RBFOX1: variants seen among roughly 807,000 people sequenced by gnomAD.
The protein encoded by RBFOX1 is RNA binding protein fox-1 homolog 1.
RBFOX1 carries 8 observed loss-of-function variants against 57.7 expected under a neutral mutation model. The observed-to-expected ratio is 0.14, with a 90% CI of 0.08 to 0.25. The LOEUF (loss-of-function observed/expected upper bound fraction) is 0.25. Ranked by LOEUF, RBFOX1 falls within the 10% of genes least tolerant of loss-of-function variation. The pLI is 1.00. For missense variants in RBFOX1, 611 were observed against 548.5 expected (o/e 1.11, Z -1.14); for synonymous variants, 326 against 222.4 (o/e 1.47, Z -4.15).
intron 3 of RBFOX1, among the ~76,000 whole-genome samples, chr16:6,668,171 C>A (rs1287849782): frequency 1.3e-5 from 2 of 152,124 alleles, no homozygotes; most frequent in African/African-American, 4.8e-5. Context: ...AAGGTGCAGA[C>A]CAGGGATTGG....
At chr16:5,341,605 C>G (rs2065034287) in intron 1 of RBFOX1, among the ~76,000 whole-genome samples, 1 of 152,082 alleles carries the variant, frequency 6.6e-6, no homozygotes, top group African/African-American at 2.4e-5. Context: ...GACTAAGAAG[C>G]CCTTGTTTAG....
At chr16:6,307,225 C>G (rs1457966182) in intron 1 of RBFOX1, among the ~76,000 whole-genome samples, 2 of 151,974 alleles carry the variant, frequency 1.3e-5, no homozygotes, top group Non-Finnish European at 2.9e-5. Flanking sequence ...AAGTAAAGTG[C>G]CTAGTACATG....
Position 7,465,495 on chromosome 16 carries a change from C to T in RBFOX1, c.28-52652C>T, listed in dbSNP as rs538273039. Among the ~76,000 whole-genome samples, 49 of 152,340 alleles carry T rather than the reference C, an allele frequency of 3.2e-4. No homozygotes were observed. The South Asian group carries it at 9.9e-3, about 31-fold the overall frequency. ...TTCCTATAAGGAGTCTTGTGCATGG[C>T]CTAGCACATATTCTGTCCCCAAGTC... On this transcript the variant is annotated intron_variant, in intron 4 of 15. Coordinates refer to ENST00000550418, the MANE Select transcript of RBFOX1 (RefSeq NM_018723.4).
chr16:6,358,108 G>A (rs2087719256), intron 2 of RBFOX1, among the ~76,000 whole-genome samples: 2 of 152,228 alleles, frequency 1.3e-5, no homozygotes, highest in South Asian at 4.1e-4. Flanking sequence ...AGGCTGCCTG[G>A]ATGTACCCTC....
At chr16:5,527,036 G>T (rs1054827009) in intron 2 of RBFOX1, among the ~76,000 whole-genome samples, 1 of 152,136 alleles carries the variant, frequency 6.6e-6, no homozygotes, top group African/African-American at 2.4e-5. Flanking sequence ...CGCTTGGGAC[G>T]GTGCCATGTG....
chr16:7,162,467 C>T (rs983103626), intron 4 of RBFOX1, among the ~76,000 whole-genome samples: 8 of 151,842 alleles, frequency 5.3e-5, no homozygotes, highest in South Asian at 4.2e-4. Flanking sequence ...CAGTAACTCA[C>T]GCCTGTAACC....
chr16:7,704,564 C>A (rs542970454), intron 14 of RBFOX1, among the ~76,000 whole-genome samples: 52 of 152,284 alleles, frequency 3.4e-4, no homozygotes, highest in African/African-American at 1.2e-3. Context: ...TGTCTTGCTG[C>A]CTCCTCTCTA....
At chr16:5,640,674 A>G (rs1422646738) in intron 3 of RBFOX1, among the ~76,000 whole-genome samples, 4 of 152,012 alleles carry the variant, frequency 2.6e-5, no homozygotes, top group Non-Finnish European at 4.4e-5. Context: ...ATACATGCAT[A>G]CACACAAGCA....
intron 4 of RBFOX1, among the ~76,000 whole-genome samples, chr16:7,108,642 C>T (rs560327125): frequency 1.9e-4 from 29 of 152,222 alleles, no homozygotes; most frequent in African/African-American, 6.3e-4. Context: ...AAAGTCTACC[C>T]TGAGCATAGG....
intron 4 of RBFOX1, among the ~76,000 whole-genome samples, chr16:7,149,181 C>A (rs1481744058): frequency 2.6e-5 from 4 of 152,056 alleles, no homozygotes; most frequent in African/African-American, 9.6e-5. Flanking sequence ...TTCCCCAATT[C>A]TCCTCCTTCA....
intron 3 of RBFOX1, among the ~76,000 whole-genome samples, chr16:6,782,187 A>G (rs1209107679): frequency 6.6e-6 from 1 of 152,080 alleles, no homozygotes; most frequent in Non-Finnish European, 1.5e-5. Flanking sequence ...TTGTATTTTC[A>G]GTAGATACAG....
intron 9 of RBFOX1, among the ~76,000 whole-genome samples, chr16:7,597,884 C>T (rs2094790838): frequency 6.6e-6 from 1 of 152,112 alleles, no homozygotes; most frequent in South Asian, 2.1e-4. Flanking sequence ...TTAGAGTATA[C>T]CTCATGTCTG....
intron 12 of RBFOX1, 101 bp downstream of exon 12, chr16:7,654,048 CG>C: frequency 7.8e-7 from 1 of 1,276,014 alleles, no homozygotes; most frequent in Non-Finnish European, 1.0e-6. Context: ...ACTCCCCCTC[CG>C]CCACCCCCAG....
At chr16:6,557,400 T>C (rs1000984599) in intron 2 of RBFOX1, among the ~76,000 whole-genome samples, 4 of 152,104 alleles carry the variant, frequency 2.6e-5, no homozygotes, top group African/African-American at 7.2e-5. Flanking sequence ...GAAATGGAGA[T>C]GTGAACCAGA....
intron 4 of RBFOX1, among the ~76,000 whole-genome samples, chr16:7,071,243 C>T (rs1256186178): frequency 6.6e-6 from 1 of 152,060 alleles, no homozygotes; most frequent in African/African-American, 2.4e-5. Context: ...ACTACATACA[C>T]CACTAGGAGA....
At chr16:6,770,854 A>G (rs937122387) in intron 3 of RBFOX1, among the ~76,000 whole-genome samples, 1 of 152,180 alleles carries the variant, frequency 6.6e-6, no homozygotes, top group African/African-American at 2.4e-5. Flanking sequence ...GTAGGGCTGA[A>G]GTCTCCCATG....
intron 2 of RBFOX1, among the ~76,000 whole-genome samples, chr16:5,597,394 A>ATT (rs1380851882): frequency 1.5e-4 from 13 of 84,984 alleles, no homozygotes; most frequent in African/African-American, 7.1e-4. Context: ...AAGCTTGCTG[A>ATT]CTTTTTTTTT....
Position 7,250,583 on chromosome 16 carries a change from T to C in RBFOX1, c.27+198485T>C, listed in dbSNP as rs532854851. On this transcript the variant is annotated intron_variant, in intron 4 of 15. Coordinates refer to ENST00000550418, the MANE Select transcript of RBFOX1 (RefSeq NM_018723.4). ...TACCTGAAGGCAAAGACTAAGAGTATATACCCCAGGGACGGGGATCATAAC... is the reference window on the plus strand; with the variant it reads ...TACCTGAAGGCAAAGACTAAGAGTACATACCCCAGGGACGGGGATCATAAC... 3.9e-5 allele frequency among the ~76,000 whole-genome samples: 6 copies of C among 152,330 alleles called. No individual in the cohort carries two copies. In the South Asian group the frequency reaches 1.2e-3, roughly 32 times the overall value.
chr16:6,609,106 G>A (rs948463443), intron 2 of RBFOX1, among the ~76,000 whole-genome samples: 1 of 152,098 alleles, frequency 6.6e-6, no homozygotes, highest in Non-Finnish European at 1.5e-5. Flanking sequence ...CCCTATTTAA[G>A]GTCTGCTAAT....
Sources: allele counts gnomAD v4.1 joint callset (sites outside exome capture counted in the v4.1 genomes callset), GRCh38; gene constraint gnomAD v4.1.1; transcripts MANE v1.5; gene names NCBI Gene and HGNC (gene_info 2026-07-23, HGNC 2026-07-21).